Variants in MANBA observed in about 807,000 individuals in gnomAD.
MANBA encodes the protein beta-mannosidase.
MANBA carries 83 observed loss-of-function variants against 111.1 expected under a neutral mutation model. That is an observed-to-expected ratio of 0.75 (90% CI 0.63 to 0.90). MANBA has a LOEUF of 0.90. Ranked by LOEUF, MANBA falls within the 40% of genes least tolerant of loss-of-function variation. MANBA has a pLI of 0.00. For synonymous variants in MANBA, 370 were observed against 378.7 expected (o/e 0.98, Z 0.27); for missense variants, 1,036 against 1,069.0 (o/e 0.97, Z 0.43).
intron 1 of MANBA, among the ~76,000 whole-genome samples, chr4:102,749,538 T>G (rs750475760): frequency 3.3e-5 from 5 of 152,224 alleles, no homozygotes; most frequent in Non-Finnish European, 7.3e-5. Context: ...ACATTTAAAT[T>G]AAAATAACTG....
chr4:102,747,158 GATAT>G (rs144093849), intron 1 of MANBA, among the ~76,000 whole-genome samples: 1 of 145,468 alleles, frequency 6.9e-6, no homozygotes, highest in African/African-American at 2.7e-5. Flanking sequence ...GAACTAATGG[GATAT>G]ATATATATAT....
At chr4:102,684,759 G>T (rs393223) in intron 7 of MANBA, among the ~76,000 whole-genome samples, 1 of 151,924 alleles carries the variant, frequency 6.6e-6, no homozygotes, top group African/African-American at 2.4e-5. Context: ...GCTGCTGAGT[G>T]ACTAACAGGT....
Position 102,713,811 on chromosome 4 carries a change from G to A in MANBA, c.673+627C>T, listed in dbSNP as rs200116000. 1.1e-4 allele frequency among the ~76,000 whole-genome samples: 17 copies of A among 150,246 alleles called. No homozygotes were observed. The East Asian group carries it at 2.7e-3, about 24-fold the overall frequency. The stretch of plus-strand genomic sequence containing the variant: ...CTCAGGAGGCTGAGGCAGGAGAATC[G>A]CTTGAACCCGGGAGGCAGAGGCTGC... On this transcript the variant is annotated intron_variant, in intron 5 of 16. Coordinates refer to ENST00000647097, the MANE Select transcript of MANBA (RefSeq NM_005908.4).
chr4:102,754,821 C>T (rs1337763139), intron 1 of MANBA, among the ~76,000 whole-genome samples: 1 of 152,084 alleles, frequency 6.6e-6, no homozygotes, highest in Non-Finnish European at 1.5e-5. Context: ...TCCCAAAGTG[C>T]TGGAATTACA....
In MANBA at chr4:102,690,705, A is replaced by G. The variant is rs772363307; in HGVS notation, c.740T>C (p.Val247Ala). The change falls in exon 6 of 17, where the codon GTT (valine) becomes GCT (alanine). Residue 247 changes from valine (V) to alanine (A), a missense_variant. Val to Ala is a moderately conservative substitution (Grantham distance 64). Transcript: ENST00000647097. ...GATGGCTACGATCACTTGACCACCA[A>G]CTGGCTTTGAGCTGACAACATCAAA... ...STFDVVSSKP[V>A]GGQVIVAIPK... is the part of the protein sequence containing the mutation. The G allele has an allele frequency of 6.8e-6, 11 of 1,608,420 alleles. No homozygotes were observed. Among genetic ancestry groups the G allele is most frequent in the Non-Finnish European group, 8.5e-6 (10 of 1,176,252 alleles).
At chr4:102,645,718 T>C (rs1457496683) in intron 13 of MANBA, among the ~76,000 whole-genome samples, 1 of 152,132 alleles carries the variant, frequency 6.6e-6, no homozygotes, top group Non-Finnish European at 1.5e-5. Flanking sequence ...AGGTGAGTAG[T>C]AATATTTCCT....
intron 5 of MANBA, among the ~76,000 whole-genome samples, chr4:102,713,084 C>T (rs79529143): frequency 6.6e-6 from 1 of 152,166 alleles, no homozygotes. Flanking sequence ...AAATAACCTC[C>T]TCAAATCTAA....
At chr4:102,752,259 T>G in intron 1 of MANBA, 1 of 1,199,370 alleles carries the variant, frequency 8.3e-7, no homozygotes, top group South Asian at 1.2e-5. Context: ...AAGGCAAGCT[T>G]TGACAGGAAA....
intron 12 of MANBA, among the ~76,000 whole-genome samples, chr4:102,655,219 T>C (rs1730509128): frequency 6.6e-6 from 1 of 152,130 alleles, no homozygotes; most frequent in Non-Finnish European, 1.5e-5. Flanking sequence ...GAAGATTTAA[T>C]ATTACTAGAT....
chr4:102,678,487 A>C (rs1198306780), intron 7 of MANBA, among the ~76,000 whole-genome samples: 1 of 150,528 alleles, frequency 6.6e-6, no homozygotes, highest in African/African-American at 2.5e-5. Context: ...ATCCAAAGTA[A>C]ATATATAATC....
In MANBA at chr4:102,634,842, G is replaced by A; in HGVS notation, c.2361C>T (p.Tyr787=). The A allele has an allele frequency of 6.2e-7, 1 of 1,614,198 alleles. No individual in the cohort carries two copies. Among genetic ancestry groups the A allele is most frequent in the Non-Finnish European group, 8.5e-7 (1 of 1,180,030 alleles). Reference sequence around the variant, plus strand: ...CCTCCTTCGGTGAGGACAAGAAGTGGTAGTTGGTCGGGCTCAGGAGTTCAT... The same window carrying A: ...CCTCCTTCGGTGAGGACAAGAAGTGATAGTTGGTCGGGCTCAGGAGTTCAT... ...ADHELLSPTN[Y]HFLSSPKEAV... is the part of the protein sequence containing the mutation. The change falls in exon 16 of 17, where the codon TAC becomes TAT. Residue 787 remains tyrosine (Y), a synonymous_variant. Transcript: ENST00000647097.
intron 7 of MANBA, among the ~76,000 whole-genome samples, chr4:102,676,903 T>A (rs891744046): frequency 7.5e-5 from 11 of 146,570 alleles, no homozygotes; most frequent in African/African-American, 2.8e-4. Context: ...TTCACCTTCA[T>A]GCATTAGCAG....
intron 1 of MANBA, among the ~76,000 whole-genome samples, chr4:102,748,540 G>A (rs374402277): frequency 4.5e-4 from 68 of 152,158 alleles, no homozygotes; most frequent in African/African-American, 1.6e-3. Context: ...ACAAGAAACC[G>A]GTTAATCATG....
chr4:102,709,364 G>GAA (rs1339812960), intron 5 of MANBA, among the ~76,000 whole-genome samples: 2 of 108,564 alleles, frequency 1.8e-5, no homozygotes, highest in African/African-American at 7.7e-5. Context: ...GAAAAGAAAA[G>GAA]AAAAAGAAAG....
chr4:102,635,731 G>T (rs1729595720), intron 15 of MANBA, 134 bp downstream of exon 15: 2 of 872,714 alleles, frequency 2.3e-6, no homozygotes, highest in African/African-American at 1.7e-5. Context: ...TTAATGGCAG[G>T]GTTGTAGCCT....
chr4:102,720,661 T>C (rs1722529170), intron 4 of MANBA, among the ~76,000 whole-genome samples: 1 of 151,270 alleles, frequency 6.6e-6, no homozygotes, highest in Non-Finnish European at 1.5e-5. Context: ...TTTAAACCAC[T>C]GTGTCATTGG....
intron 3 of MANBA, among the ~76,000 whole-genome samples, 173 bp from the exon 4 acceptor site, chr4:102,723,214 GC>G (rs1415160181): frequency 6.6e-6 from 1 of 152,178 alleles, no homozygotes; most frequent in African/African-American, 2.4e-5. Context: ...TCACTTAGTT[GC>G]CCACTTTTAG....
Position 102,657,791 on chromosome 4 carries a change from T to G in MANBA, c.1595A>C (p.His532Pro), listed in dbSNP as rs1417259508. The G allele has an allele frequency of 6.2e-7, 1 of 1,613,758 alleles. No homozygotes were observed. Among genetic ancestry groups the G allele is most frequent in the Admixed American group, 1.7e-5 (1 of 60,010 alleles). ...NPNSNYFGDV[H>P]FYDYISDCWN... ...GCAATCACTGATATAGTCATAAAAA[T>G]GTACATCACCAAAATAATTGCTATT... Residue 532 changes from histidine to proline, a missense_variant, in exon 12 of 17, where the codon CAT becomes CCT. Physicochemically the swap from His to Pro is moderately conservative, Grantham distance 77. Coordinates refer to ENST00000647097, the MANE Select transcript of MANBA (RefSeq NM_005908.4).
chr4:102,703,199 T>G (rs1019716314), intron 5 of MANBA, among the ~76,000 whole-genome samples: 1 of 152,242 alleles, frequency 6.6e-6, no homozygotes, highest in Non-Finnish European at 1.5e-5. Flanking sequence ...GGAATAATCA[T>G]AGCTCGCTGC....
Sources: allele counts gnomAD v4.1 joint callset (sites outside exome capture counted in the v4.1 genomes callset), GRCh38; gene constraint gnomAD v4.1.1; transcripts MANE v1.5; gene names NCBI Gene and HGNC (gene_info 2026-07-23, HGNC 2026-07-21).